The following POLR1D variants were observed in gnomAD, a reference collection of about 807,000 sequenced individuals.
The protein encoded by POLR1D is RNA polymerase I and III subunit D, also known as DNA-directed RNA polymerases I and III subunit RPAC2.
POLR1D carries 8 observed loss-of-function variants against 10.8 expected under a neutral mutation model. The observed-to-expected ratio is 0.74, with a 90% CI of 0.43 to 1.33. The LOEUF is 1.33. Among genes scored for constraint, POLR1D ranks in the 40% most tolerant of loss-of-function variants. The pLI is 0.01. For missense variants in POLR1D, 152 were observed against 161.7 expected (o/e 0.94, Z 0.32); for synonymous variants, 54 against 57.2 (o/e 0.94, Z 0.25).
intron 2 of POLR1D, among the ~76,000 whole-genome samples, chr13:27,654,261 A>T (rs1320401819): frequency 6.6e-6 from 1 of 152,222 alleles, no homozygotes; most frequent in Non-Finnish European, 1.5e-5. Flanking sequence ...CCTTTATATA[A>T]TATCCTTGTA....
intron 2 of POLR1D, among the ~76,000 whole-genome samples, chr13:27,648,990 C>T (rs925134318): frequency 1.3e-5 from 2 of 152,038 alleles, no homozygotes; most frequent in East Asian, 3.9e-4. Flanking sequence ...TTTGGGAGGC[C>T]AAGGTGGGAG....
chr13:27,636,658 G>C (rs1001626999), intron 1 of POLR1D, among the ~76,000 whole-genome samples: 1 of 152,166 alleles, frequency 6.6e-6, no homozygotes, highest in Non-Finnish European at 1.5e-5. Context: ...AAAATGCAGC[G>C]CCCCTTTCTT....
intron 1 of POLR1D, among the ~76,000 whole-genome samples, chr13:27,643,390 C>T (rs1956192741): frequency 6.6e-6 from 1 of 152,152 alleles, no homozygotes; most frequent in Non-Finnish European, 1.5e-5. Flanking sequence ...AGAGCTGATA[C>T]ATGACCCCAG....
In POLR1D at chr13:27,622,035, G is replaced by C. The variant is rs550615488; in HGVS notation, c.26+26G>C. The C allele has an allele frequency of 5.9e-5, 92 of 1,568,130 alleles. 1 individual carries two copies. In the South Asian group the frequency reaches 9.8e-4, roughly 17 times the overall value. On this transcript the variant is annotated intron_variant, in intron 1 of 1. Transcript: ENST00000302979. ...GTAACGGCCGAGGAGGAGGCGGGCGGAGCGGGCCGCGCCCAAGGGGAGCGG... is the reference window on the plus strand; with the variant it reads ...GTAACGGCCGAGGAGGAGGCGGGCGCAGCGGGCCGCGCCCAAGGGGAGCGG...
intron 1 of POLR1D, among the ~76,000 whole-genome samples, chr13:27,630,178 TG>T (rs1273432776): frequency 1.3e-5 from 2 of 152,210 alleles, no homozygotes; most frequent in African/African-American, 4.8e-5. Context: ...CCCAAAGTGC[TG>T]GAATAGCCAG....
downstream of POLR1D, among the ~76,000 whole-genome samples, chr13:27,626,745 C>T (rs538010911): frequency 3.3e-5 from 5 of 152,210 alleles, no homozygotes; most frequent in South Asian, 2.1e-4. Context: ...AAATATATAC[C>T]AAAGGCTTTT....
intron 1 of POLR1D, among the ~76,000 whole-genome samples, chr13:27,635,749 A>ATAT (rs200120452): frequency 1.1e-3 from 156 of 144,116 alleles, no homozygotes; most frequent in South Asian, 2.2e-3. Context: ...TATATATATA[A>ATAT]ATTGTATTTA....
Position 27,623,359 on chromosome 13 carries a change from A to G in POLR1D, c.*109A>G. The G allele has an allele frequency of 6.4e-7, 1 of 1,555,122 alleles. No homozygotes were observed. The highest frequency in any genetic ancestry group is 8.7e-7 in the Non-Finnish European group (1 of 1,151,376). On this transcript the variant is annotated 3_prime_UTR_variant, in exon 2 of 2. Transcript: ENST00000302979. ...TTACAGCATACTCTGTCCTTCAGAAAGGCGTGATTCTAGCTGTTGACCCCT... is the reference window on the plus strand; with the variant it reads ...TTACAGCATACTCTGTCCTTCAGAAGGGCGTGATTCTAGCTGTTGACCCCT...
chr13:27,657,247 C>A (rs1956316570), intron 2 of POLR1D, among the ~76,000 whole-genome samples: 1 of 152,022 alleles, frequency 6.6e-6, no homozygotes, highest in African/African-American at 2.4e-5. Flanking sequence ...TACAGATCTC[C>A]AGCCAGGCGC....
chr13:27,633,769 G>A (rs1221700099), intron 1 of POLR1D, among the ~76,000 whole-genome samples: 2 of 152,140 alleles, frequency 1.3e-5, no homozygotes, highest in African/African-American at 2.4e-5. Flanking sequence ...CCAACATTGC[G>A]ATCCCTCATC....
intron 1 of POLR1D, among the ~76,000 whole-genome samples, chr13:27,639,444 C>CT (rs1956155978): frequency 6.6e-6 from 1 of 152,160 alleles, no homozygotes; most frequent in South Asian, 2.1e-4. Context: ...ATCACCACCC[C>CT]ACAAAGTTAT....
rs146068814 is a variant in POLR1D at position 27,654,373 on chromosome 13, G to A, written c.101+5920G>A. Among the ~76,000 whole-genome samples the A allele has an allele frequency of 3.3e-5, 5 of 152,170 alleles. No homozygotes were observed. The East Asian group carries it at 9.6e-4, about 29-fold the overall frequency. ...TTATGAAGCTTCCAAATGTTGACAC[G>A]TGTCATTATATAATATTTTTAAAAT... On this transcript the variant is annotated intron_variant, in intron 2 of 2. Coordinates refer to the POLR1D transcript ENST00000399697.
At chr13:27,640,573 T>G (rs1308909316) in intron 1 of POLR1D, among the ~76,000 whole-genome samples, 2 of 152,216 alleles carry the variant, frequency 1.3e-5, no homozygotes, top group South Asian at 2.1e-4. Flanking sequence ...ACTCTGAAGA[T>G]ACTCATGATT....
exon 3 of POLR1D, chr13:27,666,862 T>C (rs1167922539): frequency 6.6e-6 from 1 of 152,020 alleles, no homozygotes; most frequent in Non-Finnish European, 1.5e-5. Flanking sequence ...CTCAGGAAAA[T>C]GTCACCAAGC....
intron 1 of POLR1D, among the ~76,000 whole-genome samples, chr13:27,633,903 G>A (rs1174310271): frequency 6.6e-6 from 1 of 152,156 alleles, no homozygotes; most frequent in Non-Finnish European, 1.5e-5. Context: ...ATTAAAATTG[G>A]TAATATAAAA....
chr13:27,638,609 A>G (rs1410763304), intron 1 of POLR1D, among the ~76,000 whole-genome samples: 2 of 152,116 alleles, frequency 1.3e-5, no homozygotes, highest in Non-Finnish European at 2.9e-5. Flanking sequence ...GAAATCTACA[A>G]GGGGTGGACA....
intron 2 of POLR1D, among the ~76,000 whole-genome samples, chr13:27,649,258 AT>A (rs1488916693): frequency 6.6e-6 from 1 of 152,228 alleles, no homozygotes; most frequent in African/African-American, 2.4e-5. Context: ...TCATTTTGTA[AT>A]TTTGACATTT....
Position 27,622,895 on chromosome 13 carries a change from C to G in POLR1D, c.47C>G (p.Thr16Ser), listed in dbSNP as rs921178811. ...TGTAGAAAAATATCTGGATTGAAGA[C>G]CTCAATGGCTGAAGGCGAGAGGAAG... ...ELERKISGLKTSMAEGERKTA... is the reference protein window; with the variant it reads ...ELERKISGLKSSMAEGERKTA... Residue 16 changes from threonine (T) to serine (S), a missense_variant, in exon 2 of 2, where the codon ACC (threonine) becomes AGC (serine). Transcript: ENST00000302979. 6.2e-7 allele frequency: 1 copy of G among 1,608,096 alleles called. No individual in the cohort carries two copies.
At chr13:27,648,956 G>A (rs181184910) in intron 2 of POLR1D, among the ~76,000 whole-genome samples, 1 of 152,294 alleles carries the variant, frequency 6.6e-6, no homozygotes, top group East Asian at 1.9e-4. Flanking sequence ...TGGGCACAAT[G>A]GCTTATGCCT....
Sources: allele counts gnomAD v4.1 joint callset (sites outside exome capture counted in the v4.1 genomes callset), GRCh38; gene constraint gnomAD v4.1.1; transcripts MANE v1.5; gene names NCBI Gene and HGNC (gene_info 2026-07-23, HGNC 2026-07-21).